HCK: variants seen among roughly 807,000 people sequenced by gnomAD.
The protein encoded by HCK is tyrosine-protein kinase HCK.
In HCK, 40 loss-of-function variants were observed where a neutral mutation model predicts 70.4. The ratio of observed to expected loss-of-function variants is 0.57; its 90% CI spans 0.44 to 0.74. HCK has a LOEUF of 0.74. Among genes scored for constraint, HCK ranks in the 30% least tolerant of loss-of-function variants. HCK has a pLI of 0.00. For missense variants in HCK, 568 were observed against 697.2 expected, an observed-to-expected ratio of 0.81 and a Z score of 2.09; for synonymous variants, 245 against 263.2, an observed-to-expected ratio of 0.93 and a Z score of 0.67.
In HCK at chr20:32,069,769, A is replaced by G; in HGVS notation, c.63-1893A>G. On this transcript the variant is annotated intron_variant, in intron 1 of 12. Coordinates refer to ENST00000375852, the MANE Select transcript of HCK (RefSeq NM_002110.5). Reference sequence around the variant, plus strand: ...CAGAAGAGGTAAATCCTTGTAAATAAAAGGAATCTTTTTTCATTTTTAAAA... The same window carrying G: ...CAGAAGAGGTAAATCCTTGTAAATAGAAGGAATCTTTTTTCATTTTTAAAA... 2 of 1,277,408 alleles carry G rather than the reference A, an allele frequency of 1.6e-6. 1 individual carries two copies. Among genetic ancestry groups the G allele is most frequent in the South Asian group, 2.5e-5 (2 of 78,730 alleles). The allele number at this position is 1,277,408 out of a possible 1,614,324, so 79.1% of individuals were successfully genotyped here.
intron 1 of HCK, among the ~76,000 whole-genome samples, chr20:32,062,156 T>A (rs958080606): frequency 5.9e-5 from 9 of 152,044 alleles, no homozygotes; most frequent in Non-Finnish European, 1.2e-4. Flanking sequence ...GTCAGGCTGG[T>A]CTCCAACTCC....
At position 32,069,720 on chromosome 20, in the gene HCK, T is replaced by C. The variant is rs1448631885; in HGVS notation, c.63-1942T>C. 5 of 1,196,152 alleles carry C rather than the reference T, an allele frequency of 4.2e-6. No individual in the cohort carries two copies. In the Admixed American group the frequency reaches 1.2e-4, roughly 28 times the overall value. The allele number at this position is 1,196,152 out of a possible 1,614,324, so 74.1% of individuals were successfully genotyped here. A position where few individuals can be genotyped will look rare whatever the true frequency, so the allele number is the denominator to read the frequency against. Reference sequence around the variant, plus strand: ...AAGCAAAACCGCTCAAGTCTTGAGGTGGCAAATCTTTCCCAGTTCCCACCA... The same window carrying C: ...AAGCAAAACCGCTCAAGTCTTGAGGCGGCAAATCTTTCCCAGTTCCCACCA... On this transcript the variant is annotated intron_variant, in intron 1 of 12. Coordinates refer to ENST00000375852, the MANE Select transcript of HCK (RefSeq NM_002110.5).
intron 1 of HCK, among the ~76,000 whole-genome samples, chr20:32,063,422 T>G (rs2045409357): frequency 6.6e-6 from 1 of 152,008 alleles, no homozygotes; most frequent in South Asian, 2.1e-4. Context: ...CTGGCTAATT[T>G]TTTTGGGTAG....
chr20:32,090,255 G>A (rs1168113434), intron 10 of HCK, among the ~76,000 whole-genome samples: 1 of 152,154 alleles, frequency 6.6e-6, no homozygotes, highest in East Asian at 1.9e-4. Flanking sequence ...TTCACAGAGG[G>A]GAAAACAAAC....
At chr20:32,097,668 G>A (rs988091693) in intron 11 of HCK, among the ~76,000 whole-genome samples, 23 of 152,150 alleles carry the variant, frequency 1.5e-4, no homozygotes, top group Admixed American at 1.3e-3. Context: ...AAGAAGATAA[G>A]CAGGAAATCA....
intron 6 of HCK, among the ~76,000 whole-genome samples, chr20:32,081,466 A>C (rs192101133): frequency 1.3e-5 from 2 of 152,356 alleles, no homozygotes; most frequent in East Asian, 3.9e-4. Context: ...TAATACATTT[A>C]GGTTCACAAC....
At chr20:32,061,150 A>AT (rs1440545151) in intron 1 of HCK, among the ~76,000 whole-genome samples, 2 of 152,054 alleles carry the variant, frequency 1.3e-5, no homozygotes, top group African/African-American at 4.8e-5. Flanking sequence ...CGCCCAGCTA[A>AT]TTTTTGTATT....
chr20:32,074,592 C>T (rs2045594291), intron 4 of HCK, 31 bp from the exon 5 acceptor site: 1 of 1,496,696 alleles, frequency 6.7e-7, no homozygotes, highest in Admixed American at 1.7e-5. Flanking sequence ...TCCTTCTGTC[C>T]CTAACACCTT....
chr20:32,093,187 C>T (rs540216736), intron 10 of HCK, among the ~76,000 whole-genome samples: 14 of 152,228 alleles, frequency 9.2e-5, no homozygotes, highest in Non-Finnish European at 2.1e-4. Context: ...TCAAGTGATC[C>T]GCCCACCTCG....
At chr20:32,095,594 T>C (rs1426839241) in intron 11 of HCK, among the ~76,000 whole-genome samples, 1 of 152,108 alleles carries the variant, frequency 6.6e-6, no homozygotes, top group Admixed American at 6.6e-5. Context: ...AAGTAGATTA[T>C]TGGTGCCTAC....
chr20:32,072,332 C>T (rs1484311839), intron 2 of HCK: 1 of 153,262 alleles, frequency 6.5e-6, no homozygotes, highest in South Asian at 2.0e-4. Flanking sequence ...CTGTTGTAAG[C>T]CTTTACGGTT....
chr20:32,093,489 T>TCG (rs2045890998), intron 10 of HCK, among the ~76,000 whole-genome samples: 1 of 96,576 alleles, frequency 1.0e-5, no homozygotes, highest in Non-Finnish European at 2.2e-5. Context: ...ATCCTAGGGT[T>TCG]CGTGTGTGTG....
intron 6 of HCK, 111 bp downstream of exon 6, chr20:32,079,988 G>T: frequency 1.3e-6 from 1 of 771,384 alleles, no homozygotes; most frequent in Non-Finnish European, 2.2e-6. Context: ...ACCCAACCAG[G>T]TGCTGTGGCT....
chr20:32,073,587 G>A lies in HCK; in HGVS notation c.227-129G>A, dbSNP rs139932512. The A allele has an allele frequency of 1.2e-4, 84 of 680,508 alleles. No individual in the cohort carries two copies. The African/African-American group carries it at 1.5e-3, about 12-fold the overall frequency. The allele number at this position is 680,508 out of a possible 1,614,324, so 42.2% of individuals were successfully genotyped here. On this transcript the variant is annotated intron_variant, in intron 3 of 12. Coordinates refer to ENST00000375852, the MANE Select transcript of HCK (RefSeq NM_002110.5). Reference sequence around the variant, plus strand: ...ACTTGAGAATCACACCCAGCATGGTGAGACGCCTACTTATACTTGGAACCA... The same window carrying A: ...ACTTGAGAATCACACCCAGCATGGTAAGACGCCTACTTATACTTGGAACCA...
At chr20:32,072,163 A>G (rs775233682) in intron 2 of HCK, 3 of 204,868 alleles carry the variant, frequency 1.5e-5, no homozygotes, top group African/African-American at 2.3e-5. Context: ...ATACAGTAAC[A>G]ATTGTCATAC....
rs528935522 is a variant in HCK at position 32,079,829 on chromosome 20, G to A, written c.484G>A (p.Gly162Ser). Residue 162 changes from glycine (G) to serine (S), a missense_variant, in exon 6 of 13, where the codon GGC becomes AGC. Physicochemically the swap from Gly to Ser is moderately conservative, Grantham distance 56 (BLOSUM62 0). Coordinates refer to ENST00000375852, the MANE Select transcript of HCK (RefSeq NM_002110.5). ...CGCAGAGCGCCAACTGCTGGCTCCC[G>A]GCAACATGCTGGGCTCCTTCATGAT... The A allele has an allele frequency of 8.1e-5, 131 of 1,614,044 alleles. No homozygotes were observed. The highest frequency in any genetic ancestry group is 7.9e-4 in the South Asian group (72 of 91,074).
Position 32,101,451 on chromosome 20 carries a change from G to T in HCK, c.1513G>T (p.Glu505Ter), listed in dbSNP as rs756936393. ...CCGTCCGGAGGAGCGGCCGACCTTC[G>T]AATACATCCAGAGTGTGCTGGATGA... Residue 505 changes from glutamate to a stop codon, truncating the protein, a stop_gained, in exon 13 of 13, where the codon GAA becomes TAA. Transcript: ENST00000375852. LOFTEE classifies it high-confidence loss of function. 1.2e-6 allele frequency: 2 copies of T among 1,613,982 alleles called. No individual in the cohort carries two copies. The highest frequency in any genetic ancestry group is 1.7e-5 in the Admixed American group (1 of 59,992).
At chr20:32,063,255 C>A (rs1329727701) in intron 1 of HCK, among the ~76,000 whole-genome samples, 1 of 152,102 alleles carries the variant, frequency 6.6e-6, no homozygotes, top group Non-Finnish European at 1.5e-5. Context: ...CTATTAGATA[C>A]CAGGTGCTTC....
intron 6 of HCK, among the ~76,000 whole-genome samples, chr20:32,080,334 G>T (rs2045692014): frequency 6.6e-6 from 1 of 152,150 alleles, no homozygotes; most frequent in South Asian, 2.1e-4. Context: ...AAGTAGCTGG[G>T]ATTACAAGTG....
Sources: gnomAD v4.1 joint callset for allele counts (sites outside exome capture counted in the v4.1 genomes callset) on GRCh38, gnomAD v4.1.1 for gene constraint, MANE v1.5 for transcripts, NCBI Gene and HGNC (gene_info 2026-07-23, HGNC 2026-07-21) for gene names.